SPMIP1: variants seen among roughly 807,000 people sequenced by gnomAD.
SPMIP1 encodes protein SPMIP1.
chr7:128,868,517 TC>T, the SPMIP1 span: 1 of 549,368 alleles, frequency 1.8e-6, no homozygotes, highest in Non-Finnish European at 3.3e-6. Flanking sequence ...TGCCCATAGC[TC>T]CCATTCCTCC....
the SPMIP1 span, chr7:128,868,522 T>C: frequency 1.8e-6 from 1 of 548,984 alleles, no homozygotes; most frequent in Admixed American, 3.1e-5. Flanking sequence ...ATAGCTCCCA[T>C]TCCTCCAAAG....
At chr7:128,867,860 G>A in the SPMIP1 span, among the ~76,000 whole-genome samples, 2 of 152,130 alleles carry the variant, frequency 1.3e-5, no homozygotes, top group East Asian at 1.9e-4. Flanking sequence ...ATGAGCCACC[G>A]GCTGGCCTAT....
At chr7:128,867,535 G>C in the SPMIP1 span, among the ~76,000 whole-genome samples, 2 of 152,016 alleles carry the variant, frequency 1.3e-5, no homozygotes, top group African/African-American at 2.4e-5. Context: ...CAGAGCTGAA[G>C]ATGCAAATTC....
At chr7:128,866,891 G>A in the SPMIP1 span, 3 of 1,447,156 alleles carry the variant, frequency 2.1e-6, no homozygotes, top group African/African-American at 2.8e-5. Context: ...GCTAGGGAGT[G>A]GGCATCCTGG....
the SPMIP1 span, chr7:128,868,853 C>T: frequency 1.1e-6 from 1 of 900,538 alleles, no homozygotes; most frequent in Admixed American, 2.5e-5. Flanking sequence ...CTGTGTGTGT[C>T]TGTGCCCCTC....
At chr7:128,866,479 A>G in the SPMIP1 span, 1 of 1,536,020 alleles carries the variant, frequency 6.5e-7, no homozygotes, top group Non-Finnish European at 8.7e-7. Flanking sequence ...GAGGGAAAAG[A>G]TGTTGCGCTG....
the SPMIP1 span, chr7:128,866,573 C>T: frequency 8.4e-5 from 129 of 1,535,538 alleles, 1 homozygote; most frequent in South Asian, 7.4e-4. Context: ...AAACTGCCCA[C>T]CCTGCACCCC....
the SPMIP1 span, chr7:128,866,707 T>C: frequency 2.0e-6 from 3 of 1,535,698 alleles, no homozygotes; most frequent in Non-Finnish European, 1.7e-6. Flanking sequence ...AGCCCTGCTG[T>C]ATGAAGGCAT....
chr7:128,867,394 A>G, the SPMIP1 span, among the ~76,000 whole-genome samples: 1 of 152,172 alleles, frequency 6.6e-6, no homozygotes, highest in African/African-American at 2.4e-5. Flanking sequence ...CTAAAGCTGC[A>G]GTGACAGGGA....
At chr7:128,870,107 C>T in the SPMIP1 span, 4 of 152,276 alleles carry the variant, frequency 2.6e-5, no homozygotes, top group African/African-American at 9.6e-5. Flanking sequence ...TTGTGGCTCG[C>T]CTTTGATCAT....
At chr7:128,871,557 T>C in the SPMIP1 span, 1 of 152,210 alleles carries the variant, frequency 6.6e-6, no homozygotes, top group Non-Finnish European at 1.5e-5. Flanking sequence ...AGAGATGATG[T>C]GTTGCCGCTC....
At chr7:128,867,010 A>G in the SPMIP1 span, among the ~76,000 whole-genome samples, 1 of 152,306 alleles carries the variant, frequency 6.6e-6, no homozygotes, top group African/African-American at 2.4e-5. Flanking sequence ...ACGTGCTGCT[A>G]TTTATTGGAT....
At chr7:128,867,350 G>A in the SPMIP1 span, among the ~76,000 whole-genome samples, 2 of 152,200 alleles carry the variant, frequency 1.3e-5, no homozygotes, top group Non-Finnish European at 1.5e-5. Flanking sequence ...GAGAATAAGG[G>A]GAAGAGAGAT....
chr7:128,867,568 CTT>C, the SPMIP1 span, among the ~76,000 whole-genome samples: 1 of 145,278 alleles, frequency 6.9e-6, no homozygotes. Context: ...AATATAGGTG[CTT>C]TTTTTTTTTC....
the SPMIP1 span, chr7:128,866,677 C>T: frequency 6.5e-7 from 1 of 1,535,684 alleles, no homozygotes; most frequent in Non-Finnish European, 8.7e-7. Flanking sequence ...GGAAATGTAC[C>T]CGGTACCACC....
chr7:128,871,128 T>C, the SPMIP1 span: 2 of 152,278 alleles, frequency 1.3e-5, no homozygotes, highest in Non-Finnish European at 2.9e-5. Flanking sequence ...CTGAGGGCGC[T>C]GTCTGAACCT....
At chr7:128,869,384 G>T in the SPMIP1 span, 1 of 153,188 alleles carries the variant, frequency 6.5e-6, no homozygotes, top group East Asian at 1.9e-4. Flanking sequence ...GGACCCGGGC[G>T]CGCTAAGCTC....
the SPMIP1 span, chr7:128,868,769 C>CCT: frequency 3.3e-6 from 5 of 1,533,506 alleles, no homozygotes; most frequent in Non-Finnish European, 4.4e-6. Context: ...GAGACCTGGC[C>CCT]CTCTGACCGT....
chr7:128,866,586 A>ACCCCCCCCTCACCCCCCCCCCC, the SPMIP1 span: 1 of 1,535,262 alleles, frequency 6.5e-7, no homozygotes, highest in Non-Finnish European at 8.7e-7. Flanking sequence ...TGCACCCCAA[A>ACCCCCCCCTCACCCCCCCCCCC]GCCCCACTCT....
Sources: allele counts gnomAD v4.1 joint callset (sites outside exome capture counted in the v4.1 genomes callset), GRCh38; gene constraint gnomAD v4.1.1; transcripts MANE v1.5; gene names NCBI Gene and HGNC (gene_info 2026-07-23, HGNC 2026-07-21).